The following ADAMTS2 variants were observed in gnomAD, a reference collection of about 807,000 sequenced individuals.
The protein encoded by ADAMTS2 is A disintegrin and metalloproteinase with thrombospondin motifs 2.
In ADAMTS2, 50 loss-of-function variants were observed where a neutral mutation model predicts 123.0. The observed-to-expected ratio is 0.41, with a 90% CI of 0.32 to 0.51. ADAMTS2 has a LOEUF of 0.51. Ranked by LOEUF, ADAMTS2 falls within the 20% of genes least tolerant of loss-of-function variation. The pLI is 0.35. For missense variants in ADAMTS2, 1,494 were observed against 1,705.2 expected, an observed-to-expected ratio of 0.88 and a Z score of 2.18; for synonymous variants, 678 against 695.4, an observed-to-expected ratio of 0.98 and a Z score of 0.39.
intron 2 of ADAMTS2, among the ~76,000 whole-genome samples, chr5:179,294,141 A>G (rs1756267096): frequency 6.6e-6 from 1 of 152,056 alleles, no homozygotes; most frequent in African/African-American, 2.4e-5. Context: ...CTGTGGTCCC[A>G]GCTACTTGGG....
At chr5:179,329,139 A>G (rs911228824) in intron 2 of ADAMTS2, among the ~76,000 whole-genome samples, 7 of 151,940 alleles carry the variant, frequency 4.6e-5, no homozygotes, top group East Asian at 1.9e-4. Flanking sequence ...CATCCTGGCT[A>G]ACACGGTGAA....
intron 2 of ADAMTS2, among the ~76,000 whole-genome samples, chr5:179,339,080 C>G (rs1015854442): frequency 6.6e-6 from 1 of 152,212 alleles, no homozygotes; most frequent in Non-Finnish European, 1.5e-5. Flanking sequence ...GTGGCCACAA[C>G]CGTGTTCACC....
chr5:179,298,840 A>G (rs1756418897), intron 2 of ADAMTS2, among the ~76,000 whole-genome samples: 1 of 152,228 alleles, frequency 6.6e-6, no homozygotes, highest in African/African-American at 2.4e-5. Flanking sequence ...TTTGGATTAT[A>G]CTAGGAATCA....
intron 19 of ADAMTS2, among the ~76,000 whole-genome samples, chr5:179,124,301 T>C (rs1762814130): frequency 6.6e-6 from 1 of 152,150 alleles, no homozygotes; most frequent in Admixed American, 6.5e-5. Flanking sequence ...AGCTCTGTCC[T>C]GGCCTCAGCT....
intron 2 of ADAMTS2, among the ~76,000 whole-genome samples, chr5:179,301,518 G>A (rs377187458): frequency 3.9e-5 from 6 of 152,308 alleles, no homozygotes; most frequent in East Asian, 1.9e-4. Context: ...GGATCTGCTC[G>A]CACAGGGCTG....
Position 179,228,786 on chromosome 5 carries a change from A to G in ADAMTS2, c.689-21071T>C, listed in dbSNP as rs2113423713. On this transcript the variant is annotated intron_variant, in intron 3 of 21. Transcript: ENST00000251582. The surrounding 1 kb of genome is among the most constrained non-coding windows in gnomAD (Gnocchi z 5.2). The stretch of plus-strand genomic sequence containing the variant: ...CCAGACCCGGGGCGGTGCCTTCACC[A>G]CGGCCTCCTCATCCAGCATCCACAA... Among the ~76,000 whole-genome samples the G allele has an allele frequency of 6.6e-6, 1 of 152,320 alleles. No homozygotes were observed. The highest frequency in any genetic ancestry group is 6.5e-5 in the Admixed American group (1 of 15,306).
At chr5:179,199,107 C>T (rs1376910159) in intron 4 of ADAMTS2, among the ~76,000 whole-genome samples, 1 of 152,208 alleles carries the variant, frequency 6.6e-6, no homozygotes, top group Non-Finnish European at 1.5e-5. Context: ...TCTGGGCTCG[C>T]CCTAGGGACA....
chr5:179,281,361 C>T (rs1475358919), intron 2 of ADAMTS2, among the ~76,000 whole-genome samples: 1 of 152,214 alleles, frequency 6.6e-6, no homozygotes, highest in African/African-American at 2.4e-5. Flanking sequence ...CTCCCCAACC[C>T]AGCCCTGGGC....
At chr5:179,224,466 C>T (rs768643474) in intron 3 of ADAMTS2, among the ~76,000 whole-genome samples, 5 of 152,204 alleles carry the variant, frequency 3.3e-5, no homozygotes, top group East Asian at 3.9e-4. Context: ...CAGAGAGAAA[C>T]GGTCTGCATT....
At chr5:179,206,085 A>G (rs1247154565) in intron 4 of ADAMTS2, among the ~76,000 whole-genome samples, 1 of 152,184 alleles carries the variant, frequency 6.6e-6, no homozygotes, top group Admixed American at 6.5e-5. Flanking sequence ...CATTAAAGGT[A>G]CGTTTCAAAA....
chr5:179,238,522 A>T (rs62394972), intron 3 of ADAMTS2, among the ~76,000 whole-genome samples: 1 of 152,066 alleles, frequency 6.6e-6, no homozygotes, highest in Non-Finnish European at 1.5e-5. Flanking sequence ...ACAAAGCCTT[A>T]GAGCGCCAGG....
chr5:179,337,044 G>C (rs757023657), intron 2 of ADAMTS2, among the ~76,000 whole-genome samples: 1 of 152,150 alleles, frequency 6.6e-6, no homozygotes, highest in African/African-American at 2.4e-5. Flanking sequence ...GGACAAGCCC[G>C]AGGAGCCAGC....
intron 13 of ADAMTS2, among the ~76,000 whole-genome samples, chr5:179,133,786 T>C (rs542986797): frequency 6.6e-6 from 1 of 152,112 alleles, no homozygotes; most frequent in South Asian, 2.1e-4. Context: ...TGGCGCGATC[T>C]TGGCTCACTG....
intron 2 of ADAMTS2, among the ~76,000 whole-genome samples, chr5:179,276,270 G>A (rs1766692754): frequency 6.6e-6 from 1 of 152,222 alleles, no homozygotes; most frequent in Admixed American, 6.5e-5. Context: ...GTGTTTACCA[G>A]TGCAGGAGTT....
At chr5:179,293,458 G>A (rs900867454) in intron 2 of ADAMTS2, among the ~76,000 whole-genome samples, 1 of 152,060 alleles carries the variant, frequency 6.6e-6, no homozygotes, top group Non-Finnish European at 1.5e-5. Context: ...AGGGAACATG[G>A]CCTTCCCATG....
intron 3 of ADAMTS2, among the ~76,000 whole-genome samples, chr5:179,266,083 G>A (rs1458685866): frequency 2.6e-5 from 4 of 152,198 alleles, no homozygotes; most frequent in African/African-American, 7.2e-5. Flanking sequence ...GGAAGTGCCC[G>A]GTTGGAGACA....
chr5:179,267,587 G>A (rs1361365737), intron 3 of ADAMTS2, among the ~76,000 whole-genome samples: 3 of 152,214 alleles, frequency 2.0e-5, no homozygotes, highest in South Asian at 2.1e-4. Context: ...AGGCCAGGCC[G>A]GGGCGAGCCC....
intron 21 of ADAMTS2, among the ~76,000 whole-genome samples, chr5:179,119,031 C>A (rs147000599): frequency 6.6e-6 from 1 of 152,328 alleles, no homozygotes; most frequent in Admixed American, 6.5e-5. Context: ...GGTCATGCAG[C>A]TGGTTAAAAA....
chr5:179,240,195 G>A (rs780587351), intron 3 of ADAMTS2, among the ~76,000 whole-genome samples: 1 of 152,208 alleles, frequency 6.6e-6, no homozygotes, highest in Admixed American at 6.5e-5. Context: ...AACAGACTGA[G>A]GGGAGCAGTC....
Sources: gnomAD v4.1 joint callset for allele counts (sites outside exome capture counted in the v4.1 genomes callset) on GRCh38, gnomAD v4.1.1 for gene constraint, Gnocchi (gnomAD v3.1) non-coding constraint, MANE v1.5 for transcripts, NCBI Gene and HGNC (gene_info 2026-07-23, HGNC 2026-07-21) for gene names.